The following PRTN3 variants were observed in gnomAD, a reference collection of about 807,000 sequenced individuals.
PRTN3 encodes myeloblastin.
PRTN3 carries 22 observed loss-of-function variants against 20.7 expected under a neutral mutation model. That is an observed-to-expected ratio of 1.06 (90% CI 0.76 to 1.52). PRTN3 has a LOEUF of 1.52. Among genes scored for constraint, PRTN3 ranks in the 40% most tolerant of loss-of-function variants. The pLI, the probability that PRTN3 is intolerant of heterozygous loss-of-function variation, is 0.00. For synonymous variants in PRTN3, 173 were observed against 152.9 expected, an observed-to-expected ratio of 1.13 and a Z score of -0.97; for missense variants, 378 against 359.6, an observed-to-expected ratio of 1.05 and a Z score of -0.41.
chr19:844,182 G>T, intron 3 of PRTN3, 148 bp downstream of exon 3: 2 of 1,081,342 alleles, frequency 1.8e-6, no homozygotes, highest in Middle Eastern at 3.1e-4. Context: ...CACTGGCCGG[G>T]GGAGACCGCT....
At chr19:844,237 G>T (rs1051828972) in intron 3 of PRTN3, among the ~76,000 whole-genome samples, 2 of 33,152 alleles carry the variant, frequency 6.0e-5, no homozygotes, top group Non-Finnish European at 1.3e-4. Flanking sequence ...TCCCCCGCCC[G>T]CGCCTCTCCC....
At chr19:843,347 T>G in intron 1 of PRTN3, 114 bp from the exon 2 acceptor site, 1 of 1,193,438 alleles carries the variant, frequency 8.4e-7, no homozygotes, top group Non-Finnish European at 1.1e-6. Context: ...CAGCAGGCAC[T>G]GACCGGGTTG....
rs151084891 is a variant in PRTN3, at chr19:841,450, A to G, written c.61+381A>G. On this transcript the variant is annotated intron_variant, in intron 1 of 4. Transcript: ENST00000234347. ...TGAGTGAGTGAGTGAATGAGTGAACAAATGAATGAGTGAATGAATCAATGA... is the reference window on the plus strand; with the variant it reads ...TGAGTGAGTGAGTGAATGAGTGAACGAATGAATGAGTGAATGAATCAATGA... 1.2e-4 allele frequency among the ~76,000 whole-genome samples: 19 copies of G among 152,148 alleles called. No individual in the cohort carries two copies. The East Asian group carries it at 3.5e-3, about 28-fold the overall frequency.
chr19:844,220 C>CCGCCTCCCCCCCGCCCG (rs2035484886), intron 3 of PRTN3, among the ~76,000 whole-genome samples, 186 bp downstream of exon 3: 1 of 101,516 alleles, frequency 9.9e-6, no homozygotes, highest in African/African-American at 5.3e-5. Flanking sequence ...CTCCTCCTCC[C>CCGCCTCCCCCCCGCCCG]CGCCTCTCCC....
At chr19:846,435 G>A (rs2035518228) in intron 4 of PRTN3, 58 bp downstream of exon 4, 6 of 1,489,230 alleles carry the variant, frequency 4.0e-6, no homozygotes, top group Admixed American at 2.2e-5. Context: ...GGAGGGCGGC[G>A]GCCAGGGTTC....
At chr19:846,000 G>A in intron 3 of PRTN3, 147 bp from the exon 4 acceptor site, 2 of 562,464 alleles carry the variant, frequency 3.6e-6, no homozygotes, top group South Asian at 5.0e-5. Context: ...TGACAAATGG[G>A]ACAAAGGGGG....
rs1008971833 is a variant in PRTN3 at position 843,628 on chromosome 19, T to A, written c.227+2T>A. On this transcript the variant is annotated splice_donor_variant, in intron 2 of 4. Transcript: ENST00000234347. LOFTEE classifies it high-confidence loss of function. ...GGCCGCGCACTGCCTGCGGGACATGTGAGCGGCCGCCTCCACACCCCTGTC... is the reference window on the plus strand; with the variant it reads ...GGCCGCGCACTGCCTGCGGGACATGAGAGCGGCCGCCTCCACACCCCTGTC... The A allele has an allele frequency of 3.2e-5, 50 of 1,555,572 alleles. No individual in the cohort carries two copies. Among genetic ancestry groups the A allele is most frequent in the Non-Finnish European group, 4.3e-5 (50 of 1,158,502 alleles).
rs189381713 is a variant in PRTN3, at chr19:848,172, C to G, written c.*203C>G. ...ACCGTGACCTCAATAAACGTTGAAA[C>G]TCCCCCTGGCTCCTGTCTGTCCTTC... On this transcript the variant is annotated 3_prime_UTR_variant, in exon 5 of 5. Transcript: ENST00000234347. 3.5e-3 allele frequency: 2,171 copies of G among 618,440 alleles called. 37 individuals carry two copies. The highest frequency in any genetic ancestry group is 0.034 in the African/African-American group (1,846 of 54,100). The allele number at this position is 618,440 out of a possible 1,614,324, so 38.3% of individuals were successfully genotyped here.
chr19:844,183 G>A (rs2035484017), intron 3 of PRTN3, 149 bp downstream of exon 3: 1 of 1,089,446 alleles, frequency 9.2e-7, no homozygotes, highest in Non-Finnish European at 1.3e-6. Context: ...ACTGGCCGGG[G>A]GAGACCGCTC....
chr19:848,128 C>T lies in PRTN3; in HGVS notation c.*159C>T, dbSNP rs921725821. On this transcript the variant is annotated 3_prime_UTR_variant, in exon 5 of 5. Transcript: ENST00000234347. ...TCCCACGGGGCTCCGGGAGACAGGC[C>T]GGCCCTGCACCTCACCCCACCGTGA... 3.4e-5 allele frequency: 30 copies of T among 877,236 alleles called. No homozygotes were observed. Among genetic ancestry groups the T allele is most frequent in the Middle Eastern group, 7.1e-4 (2 of 2,810 alleles). 54.3% of individuals were successfully genotyped at this position (877,236 alleles called of 1,614,324 possible).
chr19:844,066 G>A (rs758973347), intron 3 of PRTN3, 32 bp downstream of exon 3: 34 of 1,578,040 alleles, frequency 2.2e-5, no homozygotes, highest in Non-Finnish European at 2.8e-5. Context: ...GGCTCGGAGG[G>A]GCACGGCCAG....
chr19:841,138 G>C, intron 1 of PRTN3, 69 bp downstream of exon 1: 2 of 1,557,110 alleles, frequency 1.3e-6, no homozygotes, highest in Non-Finnish European at 1.7e-6. Flanking sequence ...TATCCACCAC[G>C]AGGTCCATCC....
rs1042281 is a variant in PRTN3 at position 846,180 on chromosome 19, G to A, written c.403G>A (p.Ala135Thr). The A allele has an allele frequency of 1.7e-5, 25 of 1,491,698 alleles. No individual in the cohort carries two copies. Among genetic ancestry groups the A allele is most frequent in the South Asian group, 6.3e-5 (5 of 78,834 alleles). The allele number at this position is 1,491,698 out of a possible 1,614,324, so 92.4% of individuals were successfully genotyped here. A position where few individuals can be genotyped will look rare whatever the true frequency, so the allele number is the denominator to read the frequency against. ...CCCAGCCAACCTCAGTGCCTCCGTC[G>A]CCACAGTCCAGCTGCCACAGCAGGA... ...SSPANLSASV[A>T]TVQLPQQDQP... The change falls in exon 4 of 5, where the codon GCC becomes ACC. Residue 135 changes from alanine to threonine, a missense_variant. Coordinates refer to ENST00000234347, the MANE Select transcript of PRTN3 (RefSeq NM_002777.4).
Position 848,165 on chromosome 19 carries a change from G to A in PRTN3, c.*196G>A, listed in dbSNP as rs1366542618. On this transcript the variant is annotated 3_prime_UTR_variant, in exon 5 of 5. Coordinates refer to ENST00000234347, the MANE Select transcript of PRTN3 (RefSeq NM_002777.4). The stretch of plus-strand genomic sequence containing the variant: ...TCACCCCACCGTGACCTCAATAAAC[G>A]TTGAAACTCCCCCTGGCTCCTGTCT... 23 of 642,544 alleles carry A rather than the reference G, an allele frequency of 3.6e-5. No individual in the cohort carries two copies. Among genetic ancestry groups the A allele is most frequent in the African/African-American group, 1.8e-5 (1 of 54,512 alleles). The allele number at this position is 642,544 out of a possible 1,614,324, so 39.8% of individuals were successfully genotyped here.
At chr19:841,548 ATGAATGAGTGAATGAGTGAATGAATGAG>A (rs1349356799) in intron 1 of PRTN3, among the ~76,000 whole-genome samples, 3 of 47,828 alleles carry the variant, frequency 6.3e-5, no homozygotes, top group Admixed American at 6.1e-4. Flanking sequence ...GAGTGAGTGA[ATGAATGAGTGAATGAGTGAATGAATGAG>A]TGAATGAGTG....
intron 2 of PRTN3, 111 bp downstream of exon 2, chr19:843,737 A>G (rs949111820): frequency 7.6e-6 from 11 of 1,456,862 alleles, no homozygotes; most frequent in Non-Finnish European, 9.9e-6. Context: ...CCGTCTGCAG[A>G]CCCCAGGCCC....
chr19:845,023 C>G (rs2035498718), intron 3 of PRTN3, among the ~76,000 whole-genome samples: 1 of 150,680 alleles, frequency 6.6e-6, no homozygotes, highest in South Asian at 2.1e-4. Flanking sequence ...TCTCGGCTCA[C>G]TGCCACCTCT....
chr19:843,157 C>A (rs2035466430), intron 1 of PRTN3, among the ~76,000 whole-genome samples: 1 of 152,174 alleles, frequency 6.6e-6, no homozygotes. Flanking sequence ...CTCAAGGGAG[C>A]CTCCTGCCTC....
chr19:844,165 C>A, intron 3 of PRTN3, 131 bp downstream of exon 3: 1 of 1,247,576 alleles, frequency 8.0e-7, no homozygotes, highest in South Asian at 1.5e-5. Flanking sequence ...CAGCCTGGGT[C>A]CAGTGGCACT....
Sources: allele counts gnomAD v4.1 joint callset (sites outside exome capture counted in the v4.1 genomes callset), GRCh38; gene constraint gnomAD v4.1.1; transcripts MANE v1.5; gene names NCBI Gene and HGNC (gene_info 2026-07-23, HGNC 2026-07-21).